Variants in ROBO2 observed in about 807,000 individuals in gnomAD.
The protein encoded by ROBO2 is roundabout guidance receptor 2.
Under a neutral mutation model 160.8 loss-of-function variants are expected in ROBO2, and 53 were observed. The observed-to-expected ratio is 0.33, with a 90% confidence interval of 0.26 to 0.41. The LOEUF (loss-of-function observed/expected upper bound fraction) is 0.41. Ranked by LOEUF, ROBO2 falls within the 10% of genes least tolerant of loss-of-function variation. The pLI is 1.00. For synonymous variants in ROBO2, 664 were observed against 611.7 expected (o/e 1.09, Z -1.26); for missense variants, 1,577 against 1,722.4 (o/e 0.92, Z 1.49).
chr3:77,274,607 C>T (rs1222553933), intron 2 of ROBO2, among the ~76,000 whole-genome samples: 2 of 151,900 alleles, frequency 1.3e-5, no homozygotes, highest in Admixed American at 6.6e-5. Context: ...TCTTAGGAAG[C>T]CAAAGATAAT....
chr3:77,436,269 T>G (rs555733536), intron 2 of ROBO2, among the ~76,000 whole-genome samples: 1 of 151,786 alleles, frequency 6.6e-6, no homozygotes, highest in Admixed American at 6.6e-5. Context: ...GACTGTGAGA[T>G]TTCCTCCCTG....
At chr3:76,194,350 G>GTGTGTGTATATATATATA (rs759087780) in intron 2 of ROBO2, among the ~76,000 whole-genome samples, 22 of 42,042 alleles carry the variant, frequency 5.2e-4, no homozygotes, top group African/African-American at 1.3e-3. Flanking sequence ...TGTATGGTGT[G>GTGTGTGTATATATATATA]TAAATATATA....
At chr3:76,782,548 C>T (rs933299161) in intron 2 of ROBO2, among the ~76,000 whole-genome samples, 1 of 150,718 alleles carries the variant, frequency 6.6e-6, no homozygotes, top group Non-Finnish European at 1.5e-5. Flanking sequence ...CTTTATATAT[C>T]ATGATGCTCT....
At chr3:77,255,576 A>C (rs534583051) in intron 2 of ROBO2, among the ~76,000 whole-genome samples, 1 of 152,352 alleles carries the variant, frequency 6.6e-6, no homozygotes, top group African/African-American at 2.4e-5. Context: ...TGGGGAACAC[A>C]GGATCCCTCT....
At chr3:76,920,040 A>G (rs1221298391) in intron 2 of ROBO2, among the ~76,000 whole-genome samples, 2 of 152,344 alleles carry the variant, frequency 1.3e-5, no homozygotes, top group South Asian at 2.1e-4. Context: ...ATAAAAATAT[A>G]GAGTCCCTTG....
At chr3:77,357,367 C>T (rs2069286703) in intron 2 of ROBO2, among the ~76,000 whole-genome samples, 1 of 152,118 alleles carries the variant, frequency 6.6e-6, no homozygotes, top group South Asian at 2.1e-4. Context: ...CGGCTGGCCC[C>T]TTTCCCTCTC....
intron 2 of ROBO2, among the ~76,000 whole-genome samples, chr3:76,368,980 A>G (rs1488052703): frequency 6.6e-6 from 1 of 152,002 alleles, no homozygotes; most frequent in Non-Finnish European, 1.5e-5. Context: ...GAAACAAAAC[A>G]AACTCTCACA....
At chr3:77,115,005 T>A (rs75336860) in intron 2 of ROBO2, among the ~76,000 whole-genome samples, 9,749 of 152,144 alleles carry the variant, frequency 0.064, 380 homozygotes, top group Admixed American at 0.1. Flanking sequence ...TTCATTTTTT[T>A]AAAAATGTTA....
At chr3:76,192,481 T>G (rs1412243934) in intron 2 of ROBO2, among the ~76,000 whole-genome samples, 2 of 149,524 alleles carry the variant, frequency 1.3e-5, no homozygotes, top group Non-Finnish European at 3.0e-5. Flanking sequence ...ACAGAAGAAA[T>G]GAAATCTTCA....
At chr3:76,845,457 C>A (rs1277620483) in intron 2 of ROBO2, among the ~76,000 whole-genome samples, 1 of 151,886 alleles carries the variant, frequency 6.6e-6, no homozygotes, top group African/African-American at 2.4e-5. Context: ...TTTAATCGAA[C>A]TGGGGATCTT....
At chr3:77,367,834 T>C (rs1028513482) in intron 2 of ROBO2, among the ~76,000 whole-genome samples, 27 of 152,158 alleles carry the variant, frequency 1.8e-4, no homozygotes, top group African/African-American at 6.0e-4. Flanking sequence ...AGTTCATCAG[T>C]TGTGGTTCTT....
intron 16 of ROBO2, among the ~76,000 whole-genome samples, chr3:77,580,692 TA>T (rs762093606): frequency 1.3e-5 from 2 of 152,192 alleles, no homozygotes; most frequent in Non-Finnish European, 2.9e-5. Context: ...TTTCTTTCAC[TA>T]AGGATAATGT....
chr3:77,379,600 C>T (rs1402990228), intron 2 of ROBO2, among the ~76,000 whole-genome samples: 2 of 152,140 alleles, frequency 1.3e-5, no homozygotes, highest in Non-Finnish European at 2.9e-5. Flanking sequence ...CTTTGTACGT[C>T]GTTTGTTCAG....
chr3:77,636,527 G>A (rs1051556331), intron 24 of ROBO2, among the ~76,000 whole-genome samples: 1 of 152,038 alleles, frequency 6.6e-6, no homozygotes, highest in Non-Finnish European at 1.5e-5. Flanking sequence ...GGGAGTCAGA[G>A]GTTGCGGTGA....
chr3:76,365,278 T>G (rs1251780831), intron 2 of ROBO2, among the ~76,000 whole-genome samples: 20 of 152,044 alleles, frequency 1.3e-4, no homozygotes, highest in Non-Finnish European at 2.9e-4. Flanking sequence ...TTTATTTTGA[T>G]CTGATAAAAA....
intron 2 of ROBO2, among the ~76,000 whole-genome samples, chr3:76,100,883 T>C (rs902835665): frequency 6.6e-6 from 1 of 152,218 alleles, no homozygotes; most frequent in East Asian, 1.9e-4. Flanking sequence ...GTGCCTATGA[T>C]GTACCAAGTA....
intron 2 of ROBO2, among the ~76,000 whole-genome samples, chr3:77,416,709 T>A (rs1443956661): frequency 2.8e-5 from 3 of 107,484 alleles, no homozygotes; most frequent in Non-Finnish European, 5.4e-5. Flanking sequence ...AGAGCAAGAT[T>A]CCATCTCAAA....
At chr3:76,414,517 G>C (rs930927816) in intron 2 of ROBO2, among the ~76,000 whole-genome samples, 13 of 146,570 alleles carry the variant, frequency 8.9e-5, no homozygotes, top group African/African-American at 3.3e-4. Context: ...ATCGCAAGAA[G>C]AAAAAACCAA....
intron 2 of ROBO2, among the ~76,000 whole-genome samples, chr3:77,216,050 C>G (rs1336224271): frequency 6.6e-6 from 1 of 152,174 alleles, no homozygotes; most frequent in African/African-American, 2.4e-5. Context: ...AGGAGGCAGT[C>G]TATCTGTTCT....
Sources: allele counts gnomAD v4.1 joint callset (sites outside exome capture counted in the v4.1 genomes callset), GRCh38; gene constraint gnomAD v4.1.1; transcripts MANE v1.5; gene names NCBI Gene and HGNC (gene_info 2026-07-23, HGNC 2026-07-21).